RIN3: variants seen among roughly 807,000 people sequenced by gnomAD.
The protein encoded by RIN3 is RAB5 interacting protein 3.
Under a neutral mutation model 76.3 loss-of-function variants are expected in RIN3, and 54 were observed. The ratio of observed to expected loss-of-function variants is 0.71; its 90% CI spans 0.57 to 0.89. RIN3 has a LOEUF of 0.89. Among genes scored for constraint, RIN3 ranks in the 40% least tolerant of loss-of-function variants. The pLI is 0.00. For missense variants in RIN3, 1,256 were observed against 1,322.1 expected, an observed-to-expected ratio of 0.95 and a Z score of 0.78; for synonymous variants, 576 against 564.0, an observed-to-expected ratio of 1.02 and a Z score of -0.30.
chr14:92,653,954 G>C (rs1178769405), intron 6 of RIN3, among the ~76,000 whole-genome samples: 4 of 152,130 alleles, frequency 2.6e-5, no homozygotes, highest in African/African-American at 9.7e-5. Flanking sequence ...GAAGGCCAAG[G>C]CTGCAAAGAA....
intron 2 of RIN3, chr14:92,576,159 A>G: frequency 8.6e-7 from 1 of 1,167,572 alleles, no homozygotes; most frequent in Middle Eastern, 3.9e-4. Flanking sequence ...GTGCCACAGG[A>G]GGCTGGGGAG....
intron 1 of RIN3, among the ~76,000 whole-genome samples, chr14:92,553,676 A>G (rs1897498537): frequency 6.6e-6 from 1 of 152,060 alleles, no homozygotes; most frequent in Non-Finnish European, 1.5e-5. Context: ...CCGGGAGCAC[A>G]CACAACATTC....
Position 92,555,943 on chromosome 14 carries a change from G to A in RIN3, c.237G>A (p.Arg79=), listed in dbSNP as rs768509404. ...CAGAGGTGGCCAGGATCCTGCACCG[G>A]GTGGTGGCTGGGGTGAGTGGGGGCG... ...GQAEVARILH[R]VVAGMFLVRR... is the part of the protein sequence containing the mutation. The change falls in exon 2 of 10, where the codon CGG becomes CGA. Residue 79 remains arginine, a synonymous_variant. Transcript: ENST00000216487. The A allele has an allele frequency of 5.6e-6, 9 of 1,611,980 alleles. No homozygotes were observed. The highest frequency in any genetic ancestry group is 7.6e-6 in the Non-Finnish European group (9 of 1,179,966).
intron 2 of RIN3, among the ~76,000 whole-genome samples, chr14:92,573,572 A>G (rs372768210): frequency 6.6e-6 from 1 of 152,352 alleles, no homozygotes; most frequent in East Asian, 1.9e-4. Flanking sequence ...AGGTCCCACC[A>G]GGAGTCCCTG....
Position 92,517,180 on chromosome 14 carries a change from C to T in RIN3, c.44+3204C>T, listed in dbSNP as rs144531141. On this transcript the variant is annotated intron_variant, in intron 1 of 9. Coordinates refer to ENST00000216487, the MANE Select transcript of RIN3 (RefSeq NM_024832.5). ...AGTGAGCACCATTGGGTGGGCAGCT[C>T]GGAGGAGGGGAGTGCCTGAGCAAAG... Among the ~76,000 whole-genome samples, 384 of 152,196 alleles carry T rather than the reference C, an allele frequency of 2.5e-3. 1 individual carries two copies. Among genetic ancestry groups the T allele is most frequent in the Non-Finnish European group, 4.1e-3 (281 of 68,010 alleles).
chr14:92,635,942 G>C (rs4904968), intron 4 of RIN3, among the ~76,000 whole-genome samples: 1 of 152,198 alleles, frequency 6.6e-6, no homozygotes, highest in Non-Finnish European at 1.5e-5. Context: ...GTGGCAATTA[G>C]GAAATAATTT....
intron 2 of RIN3, among the ~76,000 whole-genome samples, chr14:92,575,873 C>A (rs904662963): frequency 6.6e-6 from 1 of 151,674 alleles, no homozygotes; most frequent in Admixed American, 6.6e-5. Flanking sequence ...TGCAGCCCAG[C>A]GGGGTCTCAG....
Position 92,568,264 on chromosome 14 carries a change from C to T in RIN3, c.250-9096C>T, listed in dbSNP as rs1897968064. 6.6e-6 allele frequency among the ~76,000 whole-genome samples: 1 copy of T among 152,162 alleles called. No homozygotes were observed. Among genetic ancestry groups the T allele is most frequent in the Non-Finnish European group, 1.5e-5 (1 of 68,028 alleles). On this transcript the variant is annotated intron_variant, in intron 2 of 9. Coordinates refer to ENST00000216487, the MANE Select transcript of RIN3 (RefSeq NM_024832.5). This position sits in a 1 kb window ranked among gnomAD's most constrained non-coding sequence, Gnocchi z 4.2. ...CCATGTACTCACTTGTAACAGCCATCATGGGCAACATCCCCTTGGAGTATG... is the reference window on the plus strand; with the variant it reads ...CCATGTACTCACTTGTAACAGCCATTATGGGCAACATCCCCTTGGAGTATG...
intron 1 of RIN3, among the ~76,000 whole-genome samples, chr14:92,546,330 G>C (rs941620359): frequency 4.6e-5 from 7 of 152,100 alleles, no homozygotes; most frequent in Non-Finnish European, 1.0e-4. Context: ...TCGGGGGATT[G>C]GGATATCCAT....
intron 1 of RIN3, among the ~76,000 whole-genome samples, chr14:92,535,334 C>CTTTTTTTTTTTTTTTTTTTTTTTTTT (rs5810602): frequency 7.7e-6 from 1 of 130,024 alleles, no homozygotes; most frequent in Non-Finnish European, 1.6e-5. Context: ...TTCTTTCTTT[C>CTTTTTTTTTTTTTTTTTTTTTTTTTT]TTTTTTTTTT....
In RIN3 at chr14:92,524,913, C is replaced by G. The variant is rs1255269982; in HGVS notation, c.44+10937C>G. ...CTGCCTTCACTAGCTGCCTCCCTCT[C>G]TAGCCTCTGGAAGGGGCTGAGCTCT... On this transcript the variant is annotated intron_variant, in intron 1 of 9. Coordinates refer to ENST00000216487, the MANE Select transcript of RIN3 (RefSeq NM_024832.5). Among the ~76,000 whole-genome samples, 4 of 152,358 alleles carry G rather than the reference C, an allele frequency of 2.6e-5. No homozygotes were observed. The East Asian group carries it at 7.7e-4, about 29-fold the overall frequency.
chr14:92,599,371 G>A (rs1885263858), intron 3 of RIN3, among the ~76,000 whole-genome samples: 1 of 152,114 alleles, frequency 6.6e-6, no homozygotes, highest in Admixed American at 6.5e-5. Flanking sequence ...TGGAGGGGAG[G>A]GGACATGCCC....
At chr14:92,536,851 G>C (rs1360686917) in intron 1 of RIN3, among the ~76,000 whole-genome samples, 2 of 128,672 alleles carry the variant, frequency 1.6e-5, no homozygotes, top group Admixed American at 7.8e-5. Context: ...CTCTAAAATG[G>C]GAATGATAAC....
intron 4 of RIN3, among the ~76,000 whole-genome samples, chr14:92,640,127 G>T (rs1254513687): frequency 7.1e-6 from 1 of 140,318 alleles, no homozygotes; most frequent in Non-Finnish European, 1.5e-5. Context: ...TGCGTTTGCT[G>T]GGAGATGCCT....
chr14:92,659,844 G>C (rs1020247359), intron 7 of RIN3, among the ~76,000 whole-genome samples: 3 of 152,230 alleles, frequency 2.0e-5, no homozygotes, highest in Non-Finnish European at 4.4e-5. Context: ...GGTTCAAGAT[G>C]AAGGTGTGGG....
chr14:92,575,667 AAGCAG>A (rs1898203324), intron 2 of RIN3, among the ~76,000 whole-genome samples: 2 of 151,960 alleles, frequency 1.3e-5, no homozygotes, highest in African/African-American at 4.8e-5. Context: ...GTCTTTTAGC[AAGCAG>A]ATGCATTATA....
chr14:92,636,682 A>G (rs956768446), intron 4 of RIN3, among the ~76,000 whole-genome samples: 12 of 152,228 alleles, frequency 7.9e-5, no homozygotes, highest in Admixed American at 4.6e-4. Context: ...CACTATATAG[A>G]TCACTTTACT....
chr14:92,632,511 A>G lies in RIN3; in HGVS notation c.441-8727A>G, dbSNP rs77249387. Among the ~76,000 whole-genome samples the G allele has an allele frequency of 8.1e-3, 1,226 of 152,258 alleles. 9 individuals are homozygous for G. The highest frequency in any genetic ancestry group is 0.028 in the African/African-American group (1,156 of 41,542). ...CCTGGCATGAAGTAAGGGCTCAAAA[A>G]ACGATCAAGCATGTTCTTATTGCTG... On this transcript the variant is annotated intron_variant, in intron 4 of 9. Coordinates refer to ENST00000216487, the MANE Select transcript of RIN3 (RefSeq NM_024832.5).
At chr14:92,662,880 T>G (rs571096063) in intron 7 of RIN3, among the ~76,000 whole-genome samples, 1 of 152,100 alleles carries the variant, frequency 6.6e-6, no homozygotes, top group Non-Finnish European at 1.5e-5. Flanking sequence ...TCACTCAGGC[T>G]TAAGTACAGT....
Sources: gnomAD v4.1 joint callset for allele counts (sites outside exome capture counted in the v4.1 genomes callset) on GRCh38, gnomAD v4.1.1 for gene constraint, Gnocchi (gnomAD v3.1) non-coding constraint, MANE v1.5 for transcripts, NCBI Gene and HGNC (gene_info 2026-07-23, HGNC 2026-07-21) for gene names.